Variants in LVRN observed in about 807,000 individuals in gnomAD.
LVRN encodes laeverin, also known as aminopeptidase Q.
LVRN carries 99 observed loss-of-function variants against 111.4 expected under a neutral mutation model. The ratio of observed to expected loss-of-function variants is 0.89; its 90% CI spans 0.76 to 1.05. The LOEUF is 1.05. Among genes scored for constraint, LVRN ranks in the 50% least tolerant of loss-of-function variants. LVRN has a pLI of 0.00. For synonymous variants in LVRN, 488 were observed against 449.5 expected (o/e 1.09, Z -1.08); for missense variants, 1,414 against 1,206.8 (o/e 1.17, Z -2.54).
Position 116,001,087 on chromosome 5 carries a change from A to G in LVRN, c.1668A>G (p.Thr556=), listed in dbSNP as rs753924160. The change falls in exon 10 of 20, where the codon ACA becomes ACG. Residue 556 remains threonine, a synonymous_variant. Transcript: ENST00000357872. The part of the protein sequence containing the change: ...HFQMAIDDQS[T]VILPATIKNI... ...AACAGGCCATAGATGACCAGAGTAC[A>G]GTTATTTTGCCAGCAACAATAAAAA... The G allele has an allele frequency of 2.5e-6, 4 of 1,610,324 alleles. No individual in the cohort carries two copies. The South Asian group carries it at 4.4e-5, about 18-fold the overall frequency.
At chr5:116,003,419 A>G in intron 12 of LVRN, 39 bp downstream of exon 12, 1 of 1,256,702 alleles carries the variant, frequency 8.0e-7, no homozygotes, top group Non-Finnish European at 1.1e-6. Flanking sequence ...AATATAATTT[A>G]TAATGCCTTC....
rs1380977515 is a variant in LVRN, at chr5:116,003,282, T to C, written c.1939T>C (p.Trp647Arg). The change falls in exon 12 of 20, where the codon TGG becomes CGG. Residue 647 changes from tryptophan (W) to arginine (R), a missense_variant. By Grantham distance (101) the Trp-to-Arg change is moderately radical. Coordinates refer to ENST00000357872, the MANE Select transcript of LVRN (RefSeq NM_173800.5). ...EMQVSDSDHDWVILNLNMTGY... is the reference protein window; with the variant it reads ...EMQVSDSDHDRVILNLNMTGY... ...GCAAGTTTCAGATTCTGACCATGACTGGGTGATTTTGAATTTGAATATGAC... is the reference window on the plus strand; with the variant it reads ...GCAAGTTTCAGATTCTGACCATGACCGGGTGATTTTGAATTTGAATATGAC... The C allele has an allele frequency of 6.3e-7, 1 of 1,581,552 alleles. No homozygotes were observed. The highest frequency in any genetic ancestry group is 1.8e-5 in the Admixed American group (1 of 54,286).
chr5:115,964,841 G>A (rs12656290), intron 1 of LVRN, among the ~76,000 whole-genome samples: 20,178 of 152,218 alleles, frequency 0.13, 1,805 homozygotes, highest in African/African-American at 0.25. Context: ...AACCAAGGTA[G>A]AGCTCCAAAA....
intron 3 of LVRN, among the ~76,000 whole-genome samples, chr5:115,985,668 C>T (rs1194910964): frequency 6.6e-6 from 1 of 152,192 alleles, no homozygotes; most frequent in African/African-American, 2.4e-5. Flanking sequence ...CCATGTTCTT[C>T]AGTTCTGGAG....
At chr5:115,990,657 C>T (rs1747965965) in intron 4 of LVRN, among the ~76,000 whole-genome samples, 1 of 152,088 alleles carries the variant, frequency 6.6e-6, no homozygotes, top group Admixed American at 6.6e-5. Context: ...CTGACACCTC[C>T]GCCTCCTAAG....
At chr5:115,968,095 T>C (rs1050558310) in intron 1 of LVRN, among the ~76,000 whole-genome samples, 1 of 152,218 alleles carries the variant, frequency 6.6e-6, no homozygotes, top group Non-Finnish European at 1.5e-5. Flanking sequence ...TCCTGCCTGA[T>C]TGTGTTGGGT....
intron 18 of LVRN, chr5:116,021,232 G>T (rs546070390): frequency 6.6e-6 from 1 of 152,208 alleles, no homozygotes; most frequent in Non-Finnish European, 1.5e-5. Context: ...TGCCTCCTCG[G>T]GTAAACTTTC....
chr5:116,000,937 AG>A lies in LVRN; in HGVS notation c.1648-128del, dbSNP rs1274560375. 7.7e-6 allele frequency: 8 copies of A among 1,033,190 alleles called. No individual in the cohort carries two copies. The African/African-American group carries it at 1.3e-4, about 17-fold the overall frequency. The allele number at this position is 1,033,190 out of a possible 1,614,324, so 64.0% of individuals were successfully genotyped here. A position where few individuals can be genotyped will look rare whatever the true frequency, so the allele number is the denominator to read the frequency against. ...AAACAGAGTTCTAAATTTGCCCCAG[AG>A]GATCACCCACTGCAGGACTACTACA... On this transcript the variant is annotated intron_variant, in intron 9 of 19. Transcript: ENST00000357872.
chr5:116,026,079 A>C lies in LVRN; in HGVS notation c.2934A>C (p.Leu978=), dbSNP rs1748856966. 1 of 1,613,936 alleles carries C rather than the reference A, an allele frequency of 6.2e-7. No homozygotes were observed. The change falls in exon 20 of 20, where the codon CTA becomes CTC. Residue 978 remains leucine (L), a synonymous_variant. Transcript: ENST00000357872. The part of the protein sequence containing the change: ...IKNENLKNKK[L]SARIAAWLRR... The stretch of plus-strand genomic sequence containing the variant: ...ATGAAAATCTGAAAAACAAGAAGCT[A>C]AGTGCCAGGATAGCTGCGTGGCTAA...
Position 115,987,891 on chromosome 5 carries a change from T to G in LVRN, c.1057T>G (p.Ser353Ala), listed in dbSNP as rs1447092021. ...FALNITGPIF[S>A]FLEDLFNISY... Reference sequence around the variant, plus strand: ...TTTGAACATCACAGGTCCCATCTTCTCTTTTCTGGAGGATTTGTTTAATAT... The same window carrying G: ...TTTGAACATCACAGGTCCCATCTTCGCTTTTCTGGAGGATTTGTTTAATAT... The change falls in exon 4 of 20, where the codon TCT (serine) becomes GCT (alanine). Residue 353 changes from serine (S) to alanine (A), a missense_variant. Ser to Ala is a moderately conservative substitution (Grantham distance 99). Transcript: ENST00000357872. 6.2e-7 allele frequency: 1 copy of G among 1,613,318 alleles called. No individual in the cohort carries two copies. The highest frequency in any genetic ancestry group is 1.3e-5 in the African/African-American group (1 of 74,864).
chr5:115,988,782 C>T (rs1365691918), intron 4 of LVRN, among the ~76,000 whole-genome samples: 1 of 152,062 alleles, frequency 6.6e-6, no homozygotes, highest in African/African-American at 2.4e-5. Flanking sequence ...ATTCAGAAAT[C>T]CTGGAGGAAA....
rs777567665 is a variant in LVRN, at chr5:115,962,820, C to T, written c.203C>T (p.Pro68Leu). The part of the protein sequence containing the change: ...SSPPLRQKPT[P>L]TPKPSSAREL... Reference sequence around the variant, plus strand: ...CCTCCCCTCAGGCAGAAGCCGACGCCAACCCCGAAACCCAGCAGTGCACGC... The same window carrying T: ...CCTCCCCTCAGGCAGAAGCCGACGCTAACCCCGAAACCCAGCAGTGCACGC... The change falls in exon 1 of 20, where the codon CCA (proline) becomes CTA (leucine). Residue 68 changes from proline (P) to leucine (L), a missense_variant. Coordinates refer to ENST00000357872, the MANE Select transcript of LVRN (RefSeq NM_173800.5). The T allele has an allele frequency of 1.2e-6, 2 of 1,612,016 alleles. No individual in the cohort carries two copies. The highest frequency in any genetic ancestry group is 1.1e-5 in the South Asian group (1 of 90,978).
chr5:115,971,113 A>T (rs1279521255), intron 1 of LVRN, among the ~76,000 whole-genome samples: 1 of 152,196 alleles, frequency 6.6e-6, no homozygotes, highest in African/African-American at 2.4e-5. Context: ...ATGACTAAAA[A>T]TGTTGTGCAT....
At chr5:115,976,712 A>C (rs978504934) in intron 1 of LVRN, among the ~76,000 whole-genome samples, 4 of 152,124 alleles carry the variant, frequency 2.6e-5, no homozygotes, top group African/African-American at 9.7e-5. Context: ...TTAGAACTGC[A>C]TTATTTGCTT....
intron 1 of LVRN, among the ~76,000 whole-genome samples, chr5:115,965,485 AATTATAG>A (rs946994105): frequency 4.6e-5 from 7 of 152,230 alleles, no homozygotes; most frequent in African/African-American, 1.7e-4. Context: ...AGCAAAAATA[AATTATAG>A]ATCAGGGAGT....
Position 116,001,178 on chromosome 5 carries a change from G to C in LVRN, c.1759G>C (p.Val587Leu). The C allele has an allele frequency of 6.2e-7, 1 of 1,613,966 alleles. No homozygotes were observed. The highest frequency in any genetic ancestry group is 8.5e-7 in the Non-Finnish European group (1 of 1,179,974). The change falls in exon 10 of 20, where the codon GTC (valine) becomes CTC (leucine). Residue 587 changes from valine to leucine, a missense_variant. Coordinates refer to ENST00000357872, the MANE Select transcript of LVRN (RefSeq NM_173800.5). ...GATCACTTTAAATGTGTCTACTGGC[G>C]TCATGAAACAGGAGCCATTTTATCT... is the stretch of plus-strand genomic sequence containing the variant. ...PVITLNVSTG[V>L]MKQEPFYLEN...
At chr5:116,024,096 AGAGATGGACTGCAAG>A (rs1317025708) in intron 19 of LVRN, among the ~76,000 whole-genome samples, 1 of 152,194 alleles carries the variant, frequency 6.6e-6, no homozygotes, top group Non-Finnish European at 1.5e-5. Context: ...TGGGACAGAG[AGAGATGGACTGCAAG>A]GACCCTTTTT....
intron 19 of LVRN, 131 bp from the exon 20 acceptor site, chr5:116,025,847 G>T (rs568022605): frequency 1.7e-6 from 2 of 1,153,088 alleles, no homozygotes; most frequent in East Asian, 4.9e-5. Context: ...CAACCTAGGA[G>T]TATACATTTC....
Position 115,983,548 on chromosome 5 carries a change from A to G in LVRN, c.838+119A>G, listed in dbSNP as rs1380934968. Reference sequence around the variant, plus strand: ...GTGTATTATAATTACAGTCTACTATAATTAGGTAGAGCAGTCACCTGGGAT... The same window carrying G: ...GTGTATTATAATTACAGTCTACTATGATTAGGTAGAGCAGTCACCTGGGAT... On this transcript the variant is annotated intron_variant, in intron 2 of 19. Coordinates refer to ENST00000357872, the MANE Select transcript of LVRN (RefSeq NM_173800.5). 2.6e-6 allele frequency: 3 copies of G among 1,160,824 alleles called. No homozygotes were observed. The African/African-American group carries it at 4.7e-5, about 18-fold the overall frequency. 71.9% of individuals were successfully genotyped at this position (1,160,824 alleles called of 1,614,324 possible). A position where few individuals can be genotyped will look rare whatever the true frequency, so the allele number is the denominator to read the frequency against.
Sources: allele counts gnomAD v4.1 joint callset (sites outside exome capture counted in the v4.1 genomes callset), GRCh38; gene constraint gnomAD v4.1.1; transcripts MANE v1.5; gene names NCBI Gene and HGNC (gene_info 2026-07-23, HGNC 2026-07-21).